Variants in IL1RAPL1 observed in about 807,000 individuals in gnomAD.
The protein encoded by IL1RAPL1 is interleukin 1 receptor accessory protein like 1.
IL1RAPL1 carries 3 observed loss-of-function variants against 48.4 expected under a neutral mutation model. The observed-to-expected ratio is 0.06, with a 90% confidence interval of 0.03 to 0.16. IL1RAPL1 has a LOEUF of 0.16. Ranked by LOEUF, IL1RAPL1 falls within the 10% of genes least tolerant of loss-of-function variation. IL1RAPL1 has a pLI of 1.00. For missense variants in IL1RAPL1, 349 were observed against 530.6 expected (o/e 0.66, Z 3.36); for synonymous variants, 185 against 187.7 (o/e 0.99, Z 0.12).
chrX:28,897,357 G>A (rs988241134), intron 2 of IL1RAPL1, among the ~76,000 whole-genome samples: 4 of 111,976 alleles, frequency 3.6e-5, no homozygotes, highest in Non-Finnish European at 7.5e-5. Context: ...TAAACACCAA[G>A]GGAAGACTGT....
At chrX:28,885,274 A>T (rs1601944396) in intron 2 of IL1RAPL1, among the ~76,000 whole-genome samples, 1 of 111,420 alleles carries the variant, frequency 9.0e-6, no homozygotes, top group African/African-American at 3.3e-5. Context: ...TGAAAGGCGG[A>T]TATGACTCAG....
intron 5 of IL1RAPL1, among the ~76,000 whole-genome samples, chrX:29,549,387 A>T (rs933680163): frequency 9.0e-6 from 1 of 111,364 alleles, no homozygotes; most frequent in Non-Finnish European, 1.9e-5. Context: ...TTACTTCATA[A>T]TGGCCTCAAA....
rs1936311109 is a variant in IL1RAPL1, at chrX:28,771,894, G to A, written c.-24-17426G>A. On this transcript the variant is annotated intron_variant, in intron 1 of 10. Coordinates refer to ENST00000378993, the MANE Select transcript of IL1RAPL1 (RefSeq NM_014271.4). ...TGCAGTGAGCCGAGATTGCGCCACT[G>A]CAGTCCGCAGTCCGGCCTGGGCGAC... Among the ~76,000 whole-genome samples the A allele has an allele frequency of 3.4e-5, 3 of 88,936 alleles. No homozygotes were observed. In the South Asian group the frequency reaches 1.8e-3, roughly 53 times the overall value. The allele number at this position is 88,936 out of a possible 115,157, so 77.2% of individuals were successfully genotyped here.
intron 1 of IL1RAPL1, among the ~76,000 whole-genome samples, chrX:28,661,492 T>A (rs1934821648): frequency 9.0e-6 from 1 of 111,514 alleles, no homozygotes; most frequent in African/African-American, 3.3e-5. Flanking sequence ...CTGAGAGGGC[T>A]TAGTAATATA....
chrX:29,452,218 A>G (rs1231426620), intron 5 of IL1RAPL1, among the ~76,000 whole-genome samples: 1 of 111,931 alleles, frequency 8.9e-6, no homozygotes, highest in African/African-American at 3.2e-5. Context: ...TATGCATACA[A>G]TTTGCTTTAT....
intron 6 of IL1RAPL1, among the ~76,000 whole-genome samples, chrX:29,703,918 T>C (rs1367196554): frequency 1.8e-5 from 2 of 111,218 alleles, no homozygotes; most frequent in Admixed American, 1.9e-4. Flanking sequence ...AGTTTTATGG[T>C]GTCAAATTTT....
intron 2 of IL1RAPL1, among the ~76,000 whole-genome samples, chrX:28,928,738 A>G (rs1468227084): frequency 2.7e-5 from 3 of 111,928 alleles, no homozygotes; most frequent in Non-Finnish European, 5.6e-5. Context: ...CAATCACTTC[A>G]ACCTATTACA....
At chrX:29,094,419 A>T (rs1928157968) in intron 2 of IL1RAPL1, among the ~76,000 whole-genome samples, 1 of 110,208 alleles carries the variant, frequency 9.1e-6, no homozygotes, top group South Asian at 3.8e-4. Context: ...AGTTGATAAC[A>T]TATTGGTTTT....
chrX:29,452,979 C>T (rs1161373587), intron 5 of IL1RAPL1, among the ~76,000 whole-genome samples: 1 of 86,865 alleles, frequency 1.2e-5, no homozygotes, highest in Non-Finnish European at 2.1e-5. Context: ...TGCTGGAGTA[C>T]ACTGGCGCAA....
At chrX:29,553,953 C>T (rs1250961769) in intron 5 of IL1RAPL1, among the ~76,000 whole-genome samples, 1 of 105,320 alleles carries the variant, frequency 9.5e-6, no homozygotes, top group Non-Finnish European at 1.9e-5. Context: ...TCGAGGGAAA[C>T]TAATTGCTGC....
intron 2 of IL1RAPL1, among the ~76,000 whole-genome samples, chrX:29,244,667 G>A (rs1363813315): frequency 8.9e-6 from 1 of 112,330 alleles, no homozygotes; most frequent in Non-Finnish European, 1.9e-5. Flanking sequence ...TACAATATAT[G>A]TCTTGAGGAA....
At chrX:28,681,696 G>A (rs1935061416) in intron 1 of IL1RAPL1, among the ~76,000 whole-genome samples, 1 of 112,070 alleles carries the variant, frequency 8.9e-6, no homozygotes, top group Non-Finnish European at 1.9e-5. Flanking sequence ...ACTATGTGAG[G>A]TGATGAATAT....
intron 2 of IL1RAPL1, among the ~76,000 whole-genome samples, chrX:29,168,931 A>ATATATATATTCATATGTACAATTG (rs1569251048): frequency 6.0e-5 from 5 of 82,878 alleles, no homozygotes; most frequent in African/African-American, 8.4e-5. Flanking sequence ...GTACAATTGT[A>ATATATATATTCATATGTACAATTG]TATATATATT....
intron 3 of IL1RAPL1, among the ~76,000 whole-genome samples, chrX:29,375,401 G>A (rs1467103265): frequency 1.8e-5 from 2 of 111,157 alleles, no homozygotes; most frequent in South Asian, 3.8e-4. Flanking sequence ...CCTGACCTCA[G>A]GTGATCTGCC....
chrX:29,950,685 CT>C (rs67089905), intron 9 of IL1RAPL1, among the ~76,000 whole-genome samples: 5 of 74,017 alleles, frequency 6.8e-5, no homozygotes, highest in Non-Finnish European at 1.1e-4. Context: ...TTTTTTTTTT[CT>C]TTTTTTTTGA....
chrX:28,703,542 T>C (rs1935326841), intron 1 of IL1RAPL1, among the ~76,000 whole-genome samples: 1 of 111,258 alleles, frequency 9.0e-6, no homozygotes, highest in South Asian at 3.8e-4. Context: ...TGTGCAGTTA[T>C]TTTCTCAAGT....
intron 2 of IL1RAPL1, among the ~76,000 whole-genome samples, chrX:28,955,082 A>G (rs1924568246): frequency 8.9e-6 from 1 of 111,984 alleles, no homozygotes; most frequent in Admixed American, 9.5e-5. Flanking sequence ...ATGGATTATT[A>G]GTTGTTAGAC....
chrX:29,836,668 C>T (rs1325052144), intron 6 of IL1RAPL1, among the ~76,000 whole-genome samples: 5 of 111,748 alleles, frequency 4.5e-5, no homozygotes, highest in African/African-American at 1.6e-4. Context: ...ATACTTCATT[C>T]TAATACTTTT....
intron 2 of IL1RAPL1, among the ~76,000 whole-genome samples, chrX:29,247,321 T>G (rs1183208170): frequency 1.8e-5 from 2 of 111,632 alleles, no homozygotes; most frequent in Admixed American, 9.6e-5. Context: ...AAAGAAAAAT[T>G]TTTATATAAT....
Sources: allele counts gnomAD v4.1 joint callset (sites outside exome capture counted in the v4.1 genomes callset), GRCh38; gene constraint gnomAD v4.1.1; transcripts MANE v1.5; gene names NCBI Gene and HGNC (gene_info 2026-07-23, HGNC 2026-07-21).